Variants in HECW1 observed in about 807,000 individuals in gnomAD.
The protein encoded by HECW1 is HECT, C2 and WW domain containing E3 ubiquitin protein ligase 1, also known as E3 ubiquitin-protein ligase HECW1.
A neutral mutation model predicts 182.3 loss-of-function variants in HECW1; 61 were observed. The ratio of observed to expected loss-of-function variants is 0.33; its 90% CI spans 0.27 to 0.41. The LOEUF is 0.41. Ranked by LOEUF, HECW1 falls within the 10% of genes least tolerant of loss-of-function variation. The pLI is 1.00. For missense variants in HECW1, 1,739 were observed against 2,108.9 expected (o/e 0.82, Z 3.44); for synonymous variants, 859 against 832.6 (o/e 1.03, Z -0.55).
intron 3 of HECW1, among the ~76,000 whole-genome samples, chr7:43,306,002 C>T (rs149310501): frequency 0.037 from 5,695 of 152,144 alleles, 143 homozygotes; most frequent in South Asian, 0.077. Flanking sequence ...TCAGATGATC[C>T]GCCCACCTCA....
At chr7:43,388,261 A>C (rs2074880379) in intron 6 of HECW1, among the ~76,000 whole-genome samples, 1 of 152,230 alleles carries the variant, frequency 6.6e-6, no homozygotes, top group South Asian at 2.1e-4. Flanking sequence ...TCTCTTTGTA[A>C]AGAAGGAATA....
At chr7:43,364,732 C>A (rs757843030) in intron 6 of HECW1, among the ~76,000 whole-genome samples, 7 of 152,226 alleles carry the variant, frequency 4.6e-5, no homozygotes, top group Non-Finnish European at 1.0e-4. Context: ...GAATATAGGA[C>A]TTATTGTCCC....
At chr7:43,395,594 G>A (rs10270458) in intron 6 of HECW1, among the ~76,000 whole-genome samples, 69,501 of 152,016 alleles carry the variant, frequency 0.46, 16,268 homozygotes, top group Middle Eastern at 0.59. Flanking sequence ...GCCCCATTCC[G>A]TATGTCACTC....
At chr7:43,198,744 TCACA>T (rs1404516730) in intron 2 of HECW1, among the ~76,000 whole-genome samples, 5 of 149,534 alleles carry the variant, frequency 3.3e-5, no homozygotes, top group Admixed American at 1.3e-4. Context: ...CCCCACACTC[TCACA>T]CACTATAGAT....
At position 43,500,137 on chromosome 7, in the gene HECW1, G is replaced by T. The variant is rs559874077; in HGVS notation, c.3438-562G>T. Among the ~76,000 whole-genome samples, 62 of 145,422 alleles carry T rather than the reference G, an allele frequency of 4.3e-4. 1 individual carries two copies. Among genetic ancestry groups the T allele is most frequent in the Admixed American group, 2.0e-3 (28 of 14,100 alleles). On this transcript the variant is annotated intron_variant, in intron 19 of 29. Coordinates refer to ENST00000395891, the MANE Select transcript of HECW1 (RefSeq NM_015052.5). ...TTTTTTTGAGATGAAGTCTTCCTCT[G>T]TCGCCCAGGCTGGAGTGCAGTGGCA...
At chr7:43,549,570 A>G (rs1266360027) in intron 26 of HECW1, among the ~76,000 whole-genome samples, 2 of 152,196 alleles carry the variant, frequency 1.3e-5, no homozygotes, top group African/African-American at 4.8e-5. Flanking sequence ...AATGTCTAGC[A>G]TGTTATCTAC....
intron 3 of HECW1, among the ~76,000 whole-genome samples, chr7:43,263,871 C>G (rs1801451854): frequency 6.6e-6 from 1 of 152,044 alleles, no homozygotes; most frequent in Non-Finnish European, 1.5e-5. Flanking sequence ...CACTCCTTAC[C>G]TCTTAATTTT....
At chr7:43,313,388 A>C (rs61544473) in intron 4 of HECW1, among the ~76,000 whole-genome samples, 2,158 of 143,714 alleles carry the variant, frequency 0.015, 53 homozygotes, top group African/African-American at 0.056. Context: ...CACAGGCTGG[A>C]GTTCAGTGGT....
intron 7 of HECW1, among the ~76,000 whole-genome samples, chr7:43,398,626 A>G (rs1304054786): frequency 6.6e-6 from 1 of 152,100 alleles, no homozygotes; most frequent in Non-Finnish European, 1.5e-5. Context: ...AAAAAAAAAA[A>G]GAAGAAAAAA....
intron 2 of HECW1, among the ~76,000 whole-genome samples, chr7:43,236,392 T>G (rs1311282421): frequency 6.6e-6 from 1 of 152,166 alleles, no homozygotes; most frequent in African/African-American, 2.4e-5. Context: ...ATTTAGAAAG[T>G]TTCTTTTGGC....
chr7:43,459,276 C>T (rs2077502011), intron 13 of HECW1, among the ~76,000 whole-genome samples: 1 of 152,226 alleles, frequency 6.6e-6, no homozygotes, highest in Non-Finnish European at 1.5e-5. Flanking sequence ...CTGCTCCCAG[C>T]ACCTAGTGTG....
At chr7:43,402,429 A>AG (rs2075458067) in intron 7 of HECW1, among the ~76,000 whole-genome samples, 1 of 152,156 alleles carries the variant, frequency 6.6e-6, no homozygotes, top group African/African-American at 2.4e-5. Flanking sequence ...ATGTCCTGTG[A>AG]GGGGGGTCAG....
chr7:43,280,639 G>T (rs1005001890), intron 3 of HECW1, among the ~76,000 whole-genome samples: 1 of 152,170 alleles, frequency 6.6e-6, no homozygotes, highest in Non-Finnish European at 1.5e-5. Context: ...GAGTACTCGT[G>T]ATAATCCCAG....
chr7:43,297,860 C>T (rs1404876572), intron 3 of HECW1, among the ~76,000 whole-genome samples: 1 of 152,136 alleles, frequency 6.6e-6, no homozygotes, highest in Non-Finnish European at 1.5e-5. Flanking sequence ...TTACTGGAGG[C>T]CAGGAGTTGA....
intron 16 of HECW1, among the ~76,000 whole-genome samples, 161 bp downstream of exon 16, chr7:43,469,266 T>C (rs1394953485): frequency 6.6e-6 from 1 of 152,152 alleles, no homozygotes; most frequent in African/African-American, 2.4e-5. Flanking sequence ...CATCTGGGTT[T>C]CTCAACCTCA....
intron 19 of HECW1, among the ~76,000 whole-genome samples, chr7:43,498,833 T>TA (rs1207540234): frequency 3.3e-5 from 5 of 150,912 alleles, no homozygotes; most frequent in South Asian, 2.1e-4. Flanking sequence ...TCCCTTGCCT[T>TA]AAAAAAAAAG....
rs111302637 is a variant in HECW1 at position 43,476,028 on chromosome 7, G to A, written c.3100-3582G>A. ...TTTCAACCACCACTTCTTATTTAAC[G>A]TTGTTCTAGAAGTACTCACCAATAT... On this transcript the variant is annotated intron_variant, in intron 16 of 29. Coordinates refer to ENST00000395891, the MANE Select transcript of HECW1 (RefSeq NM_015052.5). 9.2e-5 allele frequency among the ~76,000 whole-genome samples: 14 copies of A among 152,100 alleles called. 1 individual carries two copies. The highest frequency in any genetic ancestry group is 2.9e-4 in the African/African-American group (12 of 41,484).
At chr7:43,261,446 G>T (rs905280150) in intron 3 of HECW1, among the ~76,000 whole-genome samples, 23 of 152,084 alleles carry the variant, frequency 1.5e-4, no homozygotes, top group African/African-American at 4.6e-4. Context: ...TCACATGTTT[G>T]CTGCCCCCTA....
chr7:43,240,794 A>G (rs542326742), intron 2 of HECW1, among the ~76,000 whole-genome samples: 1 of 152,278 alleles, frequency 6.6e-6, no homozygotes, highest in Non-Finnish European at 1.5e-5. Flanking sequence ...GCAGGGCATA[A>G]GCAGGGTGCG....
Sources: gnomAD v4.1 joint callset for allele counts (sites outside exome capture counted in the v4.1 genomes callset) on GRCh38, gnomAD v4.1.1 for gene constraint, MANE v1.5 for transcripts, NCBI Gene and HGNC (gene_info 2026-07-23, HGNC 2026-07-21) for gene names.